Variants in ZFHX3 observed in about 807,000 individuals in gnomAD.
The protein encoded by ZFHX3 is zinc finger homeobox protein 3.
ZFHX3 carries 42 observed loss-of-function variants against 279.1 expected under a neutral mutation model. The ratio of observed to expected loss-of-function variants is 0.15; its 90% CI spans 0.12 to 0.19. The LOEUF is 0.19. ZFHX3 is among the 10% of genes least tolerant of loss of function. The pLI is 1.00. For missense variants in ZFHX3, 4,981 were observed against 4,754.0 expected, an observed-to-expected ratio of 1.05 and a Z score of -1.40; for synonymous variants, 2,293 against 1,957.8, an observed-to-expected ratio of 1.17 and a Z score of -4.52.
chr16:73,316,802 C>A (rs1457437292), intron 4 of ZFHX3, among the ~76,000 whole-genome samples: 3 of 152,170 alleles, frequency 2.0e-5, no homozygotes, highest in African/African-American at 7.2e-5. Context: ...ACACACAAGG[C>A]ATCATTTTGC....
chr16:73,834,129 G>C (rs1204069814), intron 1 of ZFHX3, among the ~76,000 whole-genome samples: 2 of 152,120 alleles, frequency 1.3e-5, no homozygotes, highest in Non-Finnish European at 2.9e-5. Flanking sequence ...ACGAGTTAAA[G>C]GAAACTCAAG....
rs777317077 is a variant in ZFHX3 at position 72,836,321 on chromosome 16, C to A, written c.3449-6462G>T. ...TCCTACCTGTACCGTGACAGCCAGA[C>A]CCAGAATGTAGCAACCTACTCTGCA... On this transcript the variant is annotated intron_variant, in intron 4 of 9. Transcript: ENST00000268489. Among the ~76,000 whole-genome samples the A allele has an allele frequency of 2.5e-4, 38 of 150,876 alleles. No individual in the cohort carries two copies. In the Admixed American group the frequency reaches 2.6e-3, roughly 10 times the overall value.
At chr16:73,877,196 T>A in intron 1 of ZFHX3, among the ~76,000 whole-genome samples, 1 of 78,210 alleles carries the variant, frequency 1.3e-5, no homozygotes, top group Non-Finnish European at 2.3e-5. Context: ...GTTCGGGGGG[T>A]TAGGTCGGGG....
intron 2 of ZFHX3, among the ~76,000 whole-genome samples, chr16:73,632,522 C>T (rs1002987468): frequency 2.0e-5 from 3 of 151,526 alleles, no homozygotes; most frequent in African/African-American, 4.8e-5. Flanking sequence ...CCCATCTCTA[C>T]TAAAAATACA....
intron 1 of ZFHX3, among the ~76,000 whole-genome samples, chr16:73,707,424 T>C (rs2053315075): frequency 6.6e-6 from 1 of 152,054 alleles, no homozygotes; most frequent in South Asian, 2.1e-4. Flanking sequence ...TGATAACATT[T>C]ATGTAACATT....
chr16:72,844,574 TG>T (rs973560569), intron 4 of ZFHX3, among the ~76,000 whole-genome samples: 2 of 150,552 alleles, frequency 1.3e-5, no homozygotes, highest in African/African-American at 4.9e-5. Flanking sequence ...GGAGTGGTGG[TG>T]GGGGGGTGGG....
intron 5 of ZFHX3, among the ~76,000 whole-genome samples, chr16:72,812,503 A>C (rs1314456908): frequency 6.6e-6 from 1 of 152,220 alleles, no homozygotes; most frequent in East Asian, 1.9e-4. Context: ...TTGGAATCAC[A>C]ACATGGCACA....
intron 7 of ZFHX3, among the ~76,000 whole-genome samples, chr16:73,101,016 T>C (rs1037396262): frequency 6.6e-6 from 1 of 152,202 alleles, no homozygotes; most frequent in Non-Finnish European, 1.5e-5. Flanking sequence ...ATGTCCTTGC[T>C]CTGGTGCTTC....
Position 72,904,366 on chromosome 16 carries a change from C to CT in ZFHX3, c.3217-14405_3217-14404insA, listed in dbSNP as rs2039116292. ...CTGGCAACAGAGTGAGATTCTGTCT[C>CT]AAAATAAATAAATAAATAAATAAAT... On this transcript the variant is annotated intron_variant, in intron 3 of 9. Transcript: ENST00000268489. Among the ~76,000 whole-genome samples the CT allele has an allele frequency of 3.8e-5, 5 of 132,262 alleles. No homozygotes were observed. In the South Asian group the frequency reaches 1.2e-3, roughly 31 times the overall value. The allele number at this position is 132,262 out of a possible 152,430, so 86.8% of individuals were successfully genotyped here. A position where few individuals can be genotyped will look rare whatever the true frequency, so the allele number is the denominator to read the frequency against.
At chr16:73,222,902 C>A (rs1346489588) in intron 5 of ZFHX3, among the ~76,000 whole-genome samples, 3 of 151,988 alleles carry the variant, frequency 2.0e-5, no homozygotes. Context: ...ATAAAAAGCC[C>A]AGAAATATAC....
At chr16:72,973,361 G>T (rs975511522) in intron 1 of ZFHX3, 1 of 151,364 alleles carries the variant, frequency 6.6e-6, no homozygotes, top group African/African-American at 2.4e-5. Context: ...TCTCCAGAGC[G>T]GTTTCAAATC....
rs772279412 is a variant in ZFHX3, at chr16:72,812,013, C to G, written c.3555G>C (p.Glu1185Asp). 6.2e-7 allele frequency: 1 copy of G among 1,614,148 alleles called. No homozygotes were observed. Among genetic ancestry groups the G allele is most frequent in the Admixed American group, 1.7e-5 (1 of 60,020 alleles). ...GGASSSQAEK[E>D]LTDSPATSKR... ...TGGAGGTTGCAGGAGAATCTGTCAGCTCCTTCTCTGCTTGGCTGGACGATG... is the reference window on the plus strand; with the variant it reads ...TGGAGGTTGCAGGAGAATCTGTCAGGTCCTTCTCTGCTTGGCTGGACGATG... The change falls in exon 6 of 10, where the codon GAG (glutamate) becomes GAC (aspartate). Residue 1185 changes from glutamate (E) to aspartate (D), a missense_variant. Around this residue, in one of 7 missense-constraint regions of ZFHX3, gnomAD observed 1,751 missense variants for 1,770.0 expected, o/e 0.99. Coordinates refer to ENST00000268489, the MANE Select transcript of ZFHX3 (RefSeq NM_006885.4).
chr16:72,830,675 G>A (rs538827628), intron 4 of ZFHX3, among the ~76,000 whole-genome samples: 6 of 152,256 alleles, frequency 3.9e-5, no homozygotes, highest in African/African-American at 7.2e-5. Flanking sequence ...GTCAAATGTC[G>A]TTCAGCCAAG....
chr16:73,764,419 G>A (rs1002342327), intron 1 of ZFHX3, among the ~76,000 whole-genome samples: 1 of 152,058 alleles, frequency 6.6e-6, no homozygotes. Flanking sequence ...GCTCTCTAAC[G>A]TCCATCACAA....
At chr16:72,886,180 A>G (rs1043868902) in intron 4 of ZFHX3, among the ~76,000 whole-genome samples, 2 of 152,206 alleles carry the variant, frequency 1.3e-5, no homozygotes, top group Non-Finnish European at 2.9e-5. Context: ...GTTAATGTCA[A>G]TATGAATAAA....
At chr16:72,853,398 C>A (rs770926841) in intron 4 of ZFHX3, among the ~76,000 whole-genome samples, 16 of 152,224 alleles carry the variant, frequency 1.1e-4, no homozygotes, top group Non-Finnish European at 1.8e-4. Flanking sequence ...AAACTAATTA[C>A]TCAGATTCTG....
At chr16:73,096,193 G>T (rs1273967361) in intron 7 of ZFHX3, among the ~76,000 whole-genome samples, 3 of 151,988 alleles carry the variant, frequency 2.0e-5, no homozygotes, top group Non-Finnish European at 4.4e-5. Context: ...CCGGCTGCCT[G>T]CCCCGAATTG....
At chr16:72,946,559 C>T (rs1960687394) in intron 3 of ZFHX3, among the ~76,000 whole-genome samples, 1 of 152,206 alleles carries the variant, frequency 6.6e-6, no homozygotes, top group Non-Finnish European at 1.5e-5. Context: ...TTTCCAACTG[C>T]CCTTTCTGTG....
chr16:73,687,158 G>T (rs536271326), intron 1 of ZFHX3, among the ~76,000 whole-genome samples: 8 of 148,912 alleles, frequency 5.4e-5, no homozygotes, highest in African/African-American at 2.0e-4. Context: ...GGAGGCAGAG[G>T]TGGGCAGATT....
Sources: gnomAD v4.1 joint callset for allele counts (sites outside exome capture counted in the v4.1 genomes callset) on GRCh38, gnomAD v4.1.1 for gene constraint, gnomAD v4.1.1 regional missense constraint, MANE v1.5 for transcripts, NCBI Gene and HGNC (gene_info 2026-07-23, HGNC 2026-07-21) for gene names.